The following PNLIPRP1 variants were observed in gnomAD, a reference collection of about 807,000 sequenced individuals.
PNLIPRP1 encodes the protein inactive pancreatic lipase-related protein 1.
In PNLIPRP1, 57 loss-of-function variants were observed where a neutral mutation model predicts 54.6. The ratio of observed to expected loss-of-function variants is 1.04; its 90% CI spans 0.84 to 1.30. The LOEUF is 1.30. Among genes scored for constraint, PNLIPRP1 ranks in the 50% most tolerant of loss-of-function variants. The probability of loss-of-function intolerance (pLI) is 0.00; values close to 1 mark genes in which losing one functional copy is unlikely to be tolerated. For missense variants in PNLIPRP1, 567 were observed against 568.5 expected, an observed-to-expected ratio of 1.00 and a Z score of 0.03; for synonymous variants, 232 against 208.8, an observed-to-expected ratio of 1.11 and a Z score of -0.96.
In PNLIPRP1 at chr10:116,596,175, A is replaced by T; in HGVS notation, c.466-39A>T. The T allele has an allele frequency of 2.9e-6, 4 of 1,392,270 alleles. No homozygotes were observed. In the East Asian group the frequency reaches 9.1e-5, roughly 32 times the overall value. 86.2% of individuals were successfully genotyped at this position (1,392,270 alleles called of 1,614,324 possible). A position where few individuals can be genotyped will look rare whatever the true frequency, so the allele number is the denominator to read the frequency against. On this transcript the variant is annotated intron_variant, in intron 5 of 12. Transcript: ENST00000358834. ...TAGGCTGGCATTTTAGAAAAACCACAGCAAAAAATGTCCTGAAAATACAAT... is the reference window on the plus strand; with the variant it reads ...TAGGCTGGCATTTTAGAAAAACCACTGCAAAAAATGTCCTGAAAATACAAT...
At position 116,601,219 on chromosome 10, in the gene PNLIPRP1, T is replaced by C. The variant is rs1847833736; in HGVS notation, c.1063+18T>C. The C allele has an allele frequency of 6.2e-7, 1 of 1,607,218 alleles. No homozygotes were observed. The highest frequency in any genetic ancestry group is 1.3e-5 in the African/African-American group (1 of 74,666). On this transcript the variant is annotated intron_variant, in intron 10 of 12. Transcript: ENST00000358834. ...TTTCGCTCGTAAGTTGCACTTTGAC[T>C]ACCTGCCCATGTAAAGAAAGTATAT...
chr10:116,605,459 G>A lies in PNLIPRP1; in HGVS notation c.1246G>A (p.Val416Ile). 1 of 1,611,858 alleles carries A rather than the reference G, an allele frequency of 6.2e-7. No individual in the cohort carries two copies. Among genetic ancestry groups the A allele is most frequent in the Non-Finnish European group, 8.5e-7 (1 of 1,178,210 alleles). Residue 416 changes from valine (V) to isoleucine (I), a missense_variant, in exon 12 of 13, where the codon GTC (valine) becomes ATC (isoleucine). Val to Ile is a conservative substitution (Grantham distance 29). Transcript: ENST00000358834. ...GCTGGATGTTGGAACAATTGAGAAAGTCAAGTTTCTTTGGAATAACAATGT... is the reference window on the plus strand; with the variant it reads ...GCTGGATGTTGGAACAATTGAGAAAATCAAGTTTCTTTGGAATAACAATGT... ...AKLDVGTIEK[V>I]KFLWNNNVIN...
At chr10:116,603,593 T>G (rs1397300609) in intron 10 of PNLIPRP1, among the ~76,000 whole-genome samples, 1 of 152,194 alleles carries the variant, frequency 6.6e-6, no homozygotes, top group Non-Finnish European at 1.5e-5. Flanking sequence ...GATTAACAAA[T>G]AGAATTTCTT....
intron 4 of PNLIPRP1, 130 bp downstream of exon 4, chr10:116,592,671 C>T (rs1589568866): frequency 8.7e-7 from 1 of 1,149,602 alleles, no homozygotes; most frequent in Non-Finnish European, 1.3e-6. Context: ...CTTCTCTTCA[C>T]AAAAATTAAA....
At position 116,596,170 on chromosome 10, in the gene PNLIPRP1, A is replaced by G. The variant is rs529583376; in HGVS notation, c.466-44A>G. The G allele has an allele frequency of 6.6e-6, 9 of 1,354,164 alleles. No individual in the cohort carries two copies. In the Admixed American group the frequency reaches 8.7e-5, roughly 13 times the overall value. The allele number at this position is 1,354,164 out of a possible 1,614,324, so 83.9% of individuals were successfully genotyped here. A position where few individuals can be genotyped will look rare whatever the true frequency, so the allele number is the denominator to read the frequency against. On this transcript the variant is annotated intron_variant, in intron 5 of 12. Transcript: ENST00000358834. The stretch of plus-strand genomic sequence containing the variant: ...TCCATTAGGCTGGCATTTTAGAAAA[A>G]CCACAGCAAAAAATGTCCTGAAAAT...
intron 2 of PNLIPRP1, 95 bp downstream of exon 2, chr10:116,591,273 G>A: frequency 2.2e-6 from 2 of 917,904 alleles, no homozygotes; most frequent in Non-Finnish European, 3.5e-6. Flanking sequence ...GCTCCCAGCA[G>A]CTCCAGGGTA....
chr10:116,602,938 T>A (rs1229115243), intron 10 of PNLIPRP1, among the ~76,000 whole-genome samples: 3 of 32,682 alleles, frequency 9.2e-5, no homozygotes, highest in African/African-American at 1.8e-4. Context: ...TTTGTGTAGA[T>A]GTATGTGTGT....
chr10:116,606,899 G>C (rs1359854865), intron 12 of PNLIPRP1, among the ~76,000 whole-genome samples: 4 of 152,104 alleles, frequency 2.6e-5, no homozygotes, highest in Non-Finnish European at 4.4e-5. Flanking sequence ...AAGACATCAG[G>C]TTTTCTAAAC....
intron 12 of PNLIPRP1, among the ~76,000 whole-genome samples, chr10:116,606,436 G>A (rs1346294439): frequency 6.6e-6 from 1 of 152,176 alleles, no homozygotes; most frequent in Non-Finnish European, 1.5e-5. Context: ...GCATAGTACA[G>A]AGGAGGCTGG....
At chr10:116,608,623 A>G (rs535486030) in intron 12 of PNLIPRP1, among the ~76,000 whole-genome samples, 110 of 152,366 alleles carry the variant, frequency 7.2e-4, no homozygotes, top group African/African-American at 2.5e-3. Context: ...TGCAGTTTGC[A>G]TAAGTGAATT....
At chr10:116,600,926 TA>T (rs1316435004) in intron 9 of PNLIPRP1, 145 bp from the exon 10 acceptor site, 4 of 650,328 alleles carry the variant, frequency 6.2e-6, no homozygotes, top group Non-Finnish European at 7.7e-6. Flanking sequence ...CAGATGAAGG[TA>T]ATTTAGAGAT....
intron 9 of PNLIPRP1, 148 bp from the exon 10 acceptor site, chr10:116,600,924 G>A: frequency 3.1e-6 from 2 of 642,250 alleles, no homozygotes; most frequent in Non-Finnish European, 5.2e-6. Context: ...TCCAGATGAA[G>A]GTAATTTAGA....
At chr10:116,591,255 G>C in intron 2 of PNLIPRP1, 77 bp downstream of exon 2, 1 of 1,147,112 alleles carries the variant, frequency 8.7e-7, no homozygotes, top group African/African-American at 1.5e-5. Context: ...AGCTTTAACT[G>C]TGGCAGGGCT....
chr10:116,605,411 C>A lies in PNLIPRP1; in HGVS notation c.1198C>A (p.His400Asn). Residue 400 changes from histidine to asparagine, a missense_variant, in exon 12 of 13, where the codon CAT becomes AAT. His to Asn is a moderately conservative substitution (Grantham distance 68, BLOSUM62 1). Transcript: ENST00000358834. ...GGGGATTCTCAAACCAGGCTCAACC[C>A]ATTCCTATGAGTTTGATGCAAAGCT... Reference protein sequence around the residue: ...FRGILKPGSTHSYEFDAKLDV... With the variant: ...FRGILKPGSTNSYEFDAKLDV... 1 of 1,605,622 alleles carries A rather than the reference C, an allele frequency of 6.2e-7. No homozygotes were observed.
At chr10:116,601,340 G>A in intron 10 of PNLIPRP1, 139 bp downstream of exon 10, 2 of 765,152 alleles carry the variant, frequency 2.6e-6, no homozygotes, top group Non-Finnish European at 4.1e-6. Flanking sequence ...CGAAACTATT[G>A]CAGTTACAAG....
chr10:116,591,649 T>C, intron 2 of PNLIPRP1, 122 bp from the exon 3 acceptor site: 1 of 973,878 alleles, frequency 1.0e-6, no homozygotes, highest in Non-Finnish European at 1.6e-6. Flanking sequence ...GGGGTTGCAG[T>C]AGGTTCATCC....
intron 11 of PNLIPRP1, 127 bp downstream of exon 11, chr10:116,604,265 A>G (rs974213583): frequency 2.1e-5 from 11 of 536,092 alleles, no homozygotes; most frequent in Non-Finnish European, 3.0e-5. Context: ...TGCAACATGT[A>G]ACAACATTTT....
intron 10 of PNLIPRP1, among the ~76,000 whole-genome samples, chr10:116,602,600 A>T (rs1847865959): frequency 6.6e-6 from 1 of 152,224 alleles, no homozygotes; most frequent in Non-Finnish European, 1.5e-5. Flanking sequence ...TTGCCATGAC[A>T]TTATGGGACA....
chr10:116,608,012 C>T (rs992750510), intron 12 of PNLIPRP1, among the ~76,000 whole-genome samples: 4 of 152,070 alleles, frequency 2.6e-5, no homozygotes, highest in Non-Finnish European at 4.4e-5. Flanking sequence ...TGCACCACCA[C>T]GCCCGGCTAA....
Sources: allele counts gnomAD v4.1 joint callset (sites outside exome capture counted in the v4.1 genomes callset), GRCh38; gene constraint gnomAD v4.1.1; transcripts MANE v1.5; gene names NCBI Gene and HGNC (gene_info 2026-07-23, HGNC 2026-07-21).